The following SPATA17 variants were observed in gnomAD, a reference collection of about 807,000 sequenced individuals.
SPATA17 encodes the protein spermatogenesis-associated protein 17.
Under a neutral mutation model 62.2 loss-of-function variants are expected in SPATA17, and 53 were observed. The observed-to-expected ratio is 0.85, with a 90% CI of 0.68 to 1.07. The LOEUF (loss-of-function observed/expected upper bound fraction) is 1.07, where lower values mean the gene tolerates loss of function less well. SPATA17 is among the 50% of genes least tolerant of loss of function. SPATA17 has a pLI of 0.00. For missense variants in SPATA17, 466 were observed against 425.5 expected (o/e 1.10, Z -0.84); for synonymous variants, 146 against 146.8 (o/e 0.99, Z 0.04).
At chr1:217,833,072 T>C (rs887926912) in intron 9 of SPATA17, among the ~76,000 whole-genome samples, 1 of 152,208 alleles carries the variant, frequency 6.6e-6, no homozygotes, top group Non-Finnish European at 1.5e-5. Flanking sequence ...TTTCAATATA[T>C]ATTTTAAATT....
intron 6 of SPATA17, among the ~76,000 whole-genome samples, chr1:217,746,831 T>TA (rs1406169872): frequency 6.6e-6 from 1 of 152,034 alleles, no homozygotes; most frequent in East Asian, 1.9e-4. Flanking sequence ...TTTTATTAAT[T>TA]AAAAAGTTCA....
chr1:217,662,885 G>A (rs569764508), intron 3 of SPATA17, among the ~76,000 whole-genome samples: 5 of 152,140 alleles, frequency 3.3e-5, no homozygotes, highest in African/African-American at 1.2e-4. Context: ...AAGATAATAA[G>A]GCAGCATTCT....
intron 5 of SPATA17, among the ~76,000 whole-genome samples, chr1:217,739,989 T>G (rs1218682049): frequency 1.3e-5 from 2 of 152,004 alleles, no homozygotes; most frequent in East Asian, 3.9e-4. Context: ...TCTCGCAGTT[T>G]TTGTTCACTG....
chr1:217,743,851 C>G (rs1053548292), intron 6 of SPATA17, among the ~76,000 whole-genome samples: 5 of 152,008 alleles, frequency 3.3e-5, no homozygotes, highest in African/African-American at 9.7e-5. Flanking sequence ...TCAAGTGATC[C>G]CCCCGCCTGG....
At chr1:217,813,034 A>T (rs1674631908) in intron 9 of SPATA17, among the ~76,000 whole-genome samples, 1 of 152,310 alleles carries the variant, frequency 6.6e-6, no homozygotes, top group East Asian at 1.9e-4. Flanking sequence ...CCTAAACAGG[A>T]TTTTATAAGC....
intron 5 of SPATA17, among the ~76,000 whole-genome samples, chr1:217,721,014 T>A (rs12090400): frequency 0.19 from 28,576 of 152,076 alleles, 2,968 homozygotes; most frequent in African/African-American, 0.28. Context: ...CTAAATAAAC[T>A]AATACACTCT....
At chr1:217,768,904 G>T (rs1673368098) in intron 6 of SPATA17, among the ~76,000 whole-genome samples, 1 of 152,016 alleles carries the variant, frequency 6.6e-6, no homozygotes, top group African/African-American at 2.4e-5. Context: ...CTTACTACTG[G>T]CTAGTTATGT....
intron 6 of SPATA17, among the ~76,000 whole-genome samples, chr1:217,755,108 G>A (rs537601913): frequency 1.3e-5 from 2 of 151,922 alleles, no homozygotes; most frequent in African/African-American, 2.4e-5. Flanking sequence ...ATTATATTGT[G>A]TATTTGTTAC....
At chr1:217,750,369 C>T (rs576254860) in intron 6 of SPATA17, among the ~76,000 whole-genome samples, 2 of 151,954 alleles carry the variant, frequency 1.3e-5, no homozygotes, top group South Asian at 4.2e-4. Context: ...AGAAAGAGAT[C>T]CAGGGATGCT....
At chr1:217,774,185 A>T (rs757993866) in intron 6 of SPATA17, 149 bp from the exon 7 acceptor site, 4 of 617,466 alleles carry the variant, frequency 6.5e-6, no homozygotes, top group Non-Finnish European at 1.1e-5. Context: ...AAATCTCTTT[A>T]GGTAAATCTG....
At chr1:217,831,530 A>G (rs375158659) in intron 9 of SPATA17, among the ~76,000 whole-genome samples, 2 of 152,194 alleles carry the variant, frequency 1.3e-5, no homozygotes, top group Non-Finnish European at 1.5e-5. Flanking sequence ...TGCTCAAGCT[A>G]TATATGACTA....
chr1:217,757,883 C>A (rs998134867), intron 6 of SPATA17, among the ~76,000 whole-genome samples: 4 of 152,136 alleles, frequency 2.6e-5, no homozygotes, highest in Non-Finnish European at 4.4e-5. Context: ...TGTAAGGATG[C>A]TTTTGTGGGA....
chr1:217,708,537 G>A (rs923475923), intron 5 of SPATA17, among the ~76,000 whole-genome samples: 6 of 152,014 alleles, frequency 3.9e-5, no homozygotes, highest in African/African-American at 1.4e-4. Flanking sequence ...CCAATAATGA[G>A]TTCCAAAGTT....
chr1:217,697,488 A>G (rs1253923021), intron 5 of SPATA17, among the ~76,000 whole-genome samples: 2 of 152,186 alleles, frequency 1.3e-5, no homozygotes, highest in Non-Finnish European at 2.9e-5. Flanking sequence ...TTCCAAATTT[A>G]TTACATTATG....
intron 3 of SPATA17, among the ~76,000 whole-genome samples, chr1:217,651,828 A>G (rs1277087859): frequency 1.3e-5 from 2 of 152,252 alleles, no homozygotes; most frequent in South Asian, 2.1e-4. Context: ...CCTGCTATAT[A>G]CCAGGCATGT....
intron 5 of SPATA17, among the ~76,000 whole-genome samples, chr1:217,687,990 A>G (rs1199375886): frequency 1.3e-5 from 2 of 152,200 alleles, no homozygotes; most frequent in Admixed American, 6.5e-5. Flanking sequence ...GTGAACTTAA[A>G]AAACATCATA....
At chr1:217,747,645 G>A (rs542214936) in intron 6 of SPATA17, among the ~76,000 whole-genome samples, 285 of 152,088 alleles carry the variant, frequency 1.9e-3, no homozygotes, top group African/African-American at 6.6e-3. Flanking sequence ...ATATAACTCA[G>A]TATAACTATG....
chr1:217,683,222 T>C, intron 4 of SPATA17, 36 bp from the exon 5 acceptor site: 2 of 1,431,434 alleles, frequency 1.4e-6, no homozygotes, highest in Non-Finnish European at 1.9e-6. Context: ...TAAAAGTGTT[T>C]AATGGCATAT....
chr1:217,836,123 C>G (rs1000884564), intron 9 of SPATA17, among the ~76,000 whole-genome samples: 2 of 152,094 alleles, frequency 1.3e-5, no homozygotes, highest in African/African-American at 4.8e-5. Flanking sequence ...ACATGGCTGG[C>G]CTTGCGTGAA....
Sources: allele counts gnomAD v4.1 joint callset (sites outside exome capture counted in the v4.1 genomes callset), GRCh38; gene constraint gnomAD v4.1.1; transcripts MANE v1.5; gene names NCBI Gene and HGNC (gene_info 2026-07-23, HGNC 2026-07-21).